Variants in SULF1 observed in about 807,000 individuals in gnomAD.
The protein encoded by SULF1 is sulfatase 1.
In SULF1, 46 loss-of-function variants were observed where a neutral mutation model predicts 110.5. That is an observed-to-expected ratio of 0.42 (90% CI 0.33 to 0.53). The LOEUF (loss-of-function observed/expected upper bound fraction) is 0.53, where lower values mean the gene tolerates loss of function less well. Ranked by LOEUF, SULF1 falls within the 20% of genes least tolerant of loss-of-function variation. SULF1 has a pLI of 0.12. For synonymous variants in SULF1, 371 were observed against 387.1 expected, an observed-to-expected ratio of 0.96 and a Z score of 0.49; for missense variants, 941 against 1,094.2, an observed-to-expected ratio of 0.86 and a Z score of 1.98.
At chr8:69,554,574 A>G (rs1814949566) in intron 3 of SULF1, among the ~76,000 whole-genome samples, 1 of 152,194 alleles carries the variant, frequency 6.6e-6, no homozygotes, top group Non-Finnish European at 1.5e-5. Context: ...TCAAGACACT[A>G]CAGGTTCATT....
intron 3 of SULF1, among the ~76,000 whole-genome samples, chr8:69,516,820 A>T (rs191366689): frequency 6.6e-5 from 10 of 152,290 alleles, no homozygotes; most frequent in Non-Finnish European, 1.5e-4. Context: ...TTACCTAGTA[A>T]TATTATCATT....
chr8:69,612,866 C>A lies in SULF1; in HGVS notation c.1377+7934C>A, dbSNP rs1264549383. Among the ~76,000 whole-genome samples the A allele has an allele frequency of 2.0e-5, 3 of 152,242 alleles. No homozygotes were observed. In the East Asian group the frequency reaches 5.8e-4, roughly 29 times the overall value. ...GAAGGTTTTTAGTTTAATTAGGTCTCATTCATTTATGTTTGGGTTTTTTTA... is the reference window on the plus strand; with the variant it reads ...GAAGGTTTTTAGTTTAATTAGGTCTAATTCATTTATGTTTGGGTTTTTTTA... On this transcript the variant is annotated intron_variant, in intron 13 of 22. Transcript: ENST00000402687.
intron 1 of SULF1, among the ~76,000 whole-genome samples, chr8:69,479,084 G>T (rs1809415331): frequency 6.6e-6 from 1 of 152,162 alleles, no homozygotes; most frequent in South Asian, 2.1e-4. Context: ...CTCCAGGGCT[G>T]CATTTGCGCC....
chr8:69,550,209 A>G (rs79350639), intron 3 of SULF1, among the ~76,000 whole-genome samples: 2,661 of 151,888 alleles, frequency 0.018, 72 homozygotes, highest in African/African-American at 0.061. Context: ...TGTCATCCCC[A>G]TTCTGCCCTT....
At chr8:69,654,415 G>T (rs72660104) in intron 22 of SULF1, among the ~76,000 whole-genome samples, 15,330 of 152,250 alleles carry the variant, frequency 0.1, 815 homozygotes, top group Non-Finnish European at 0.12. Flanking sequence ...AGTTTATATA[G>T]GTGCAGAACT....
chr8:69,544,342 C>T (rs1437609104), intron 3 of SULF1, among the ~76,000 whole-genome samples: 1 of 151,872 alleles, frequency 6.6e-6, no homozygotes, highest in Non-Finnish European at 1.5e-5. Context: ...GATCTCGGCT[C>T]ACTACAACCT....
At chr8:69,642,096 G>A (rs748547374) in intron 22 of SULF1, 8 of 461,096 alleles carry the variant, frequency 1.7e-5, no homozygotes, top group African/African-American at 1.3e-4. Context: ...AAAAACATCC[G>A]TCAAAGAAAT....
intron 3 of SULF1, among the ~76,000 whole-genome samples, chr8:69,520,138 C>T (rs941148886): frequency 1.3e-5 from 2 of 151,810 alleles, no homozygotes; most frequent in Admixed American, 6.6e-5. Flanking sequence ...CACACACACA[C>T]ACACACACAC....
intron 13 of SULF1, among the ~76,000 whole-genome samples, chr8:69,613,861 A>G (rs1313805837): frequency 6.6e-6 from 1 of 152,114 alleles, no homozygotes; most frequent in African/African-American, 2.4e-5. Flanking sequence ...TCTCATGACT[A>G]TCCATGAAGC....
chr8:69,599,715 A>G (rs188770855), intron 8 of SULF1, among the ~76,000 whole-genome samples: 159 of 152,340 alleles, frequency 1.0e-3, no homozygotes, highest in Non-Finnish European at 1.4e-3. Context: ...ATATAAATAA[A>G]TAATTCTCAG....
At chr8:69,517,250 C>T (rs1246642313) in intron 3 of SULF1, among the ~76,000 whole-genome samples, 1 of 152,138 alleles carries the variant, frequency 6.6e-6, no homozygotes, top group East Asian at 1.9e-4. Context: ...AACACATTCC[C>T]ACAATAATGG....
chr8:69,596,724 T>C (rs763431491), intron 8 of SULF1, among the ~76,000 whole-genome samples: 10 of 152,180 alleles, frequency 6.6e-5, no homozygotes, highest in Non-Finnish European at 1.5e-4. Flanking sequence ...CTGAGCCACC[T>C]CTGTGCACTT....
chr8:69,530,796 C>T (rs1381436549), intron 3 of SULF1, among the ~76,000 whole-genome samples: 1 of 152,188 alleles, frequency 6.6e-6, no homozygotes, highest in African/African-American at 2.4e-5. Context: ...ACTAAGTAAC[C>T]ACTTTCTATC....
At chr8:69,603,413 A>C in intron 11 of SULF1, 93 bp downstream of exon 11, 2 of 1,588,194 alleles carry the variant, frequency 1.3e-6, no homozygotes, top group Non-Finnish European at 1.7e-6. Flanking sequence ...ATGGAGGCAG[A>C]ATATGCCTTG....
At chr8:69,487,278 A>G (rs1163732051) in intron 1 of SULF1, among the ~76,000 whole-genome samples, 1 of 152,244 alleles carries the variant, frequency 6.6e-6, no homozygotes, top group East Asian at 1.9e-4. Flanking sequence ...GATGCCTGTC[A>G]TTAAGAATAT....
At chr8:69,605,494 C>A (rs1457858004) in intron 13 of SULF1, among the ~76,000 whole-genome samples, 1 of 152,064 alleles carries the variant, frequency 6.6e-6, no homozygotes, top group Non-Finnish European at 1.5e-5. Flanking sequence ...AGATCCTCTT[C>A]GTTAGTAGAA....
chr8:69,499,374 G>T (rs1215141538), intron 2 of SULF1, among the ~76,000 whole-genome samples: 1 of 152,066 alleles, frequency 6.6e-6, no homozygotes, highest in Non-Finnish European at 1.5e-5. Flanking sequence ...ATGCTGTTTT[G>T]CTGAAACTAA....
intron 14 of SULF1, among the ~76,000 whole-genome samples, chr8:69,622,275 T>C (rs935708125): frequency 6.6e-6 from 1 of 152,146 alleles, no homozygotes; most frequent in Non-Finnish European, 1.5e-5. Flanking sequence ...CACAAAGATA[T>C]CAAATTTCTG....
At chr8:69,514,263 G>T (rs956408227) in intron 3 of SULF1, among the ~76,000 whole-genome samples, 3 of 152,352 alleles carry the variant, frequency 2.0e-5, no homozygotes, top group Non-Finnish European at 2.9e-5. Flanking sequence ...CATGGATGGG[G>T]AAGGGCTCAG....
Sources: allele counts gnomAD v4.1 joint callset (sites outside exome capture counted in the v4.1 genomes callset), GRCh38; gene constraint gnomAD v4.1.1; transcripts MANE v1.5; gene names NCBI Gene and HGNC (gene_info 2026-07-23, HGNC 2026-07-21).